The following ANKS1B variants were observed in gnomAD, a reference collection of about 807,000 sequenced individuals.
ANKS1B encodes ankyrin repeat and sterile alpha motif domain containing 1B.
ANKS1B carries 36 observed loss-of-function variants against 148.3 expected under a neutral mutation model. That is an observed-to-expected ratio of 0.24 (90% CI 0.19 to 0.32). The LOEUF is 0.32. Ranked by LOEUF, ANKS1B falls within the 10% of genes least tolerant of loss-of-function variation. The pLI is 1.00. For synonymous variants in ANKS1B, 542 were observed against 560.8 expected, an observed-to-expected ratio of 0.97 and a Z score of 0.47; for missense variants, 1,157 against 1,542.6, an observed-to-expected ratio of 0.75 and a Z score of 4.19.
chr12:99,449,772 T>A (rs1286265672), intron 10 of ANKS1B, among the ~76,000 whole-genome samples: 2 of 152,130 alleles, frequency 1.3e-5, no homozygotes, highest in Admixed American at 1.3e-4. Flanking sequence ...GAGAGCAGTA[T>A]CTTTTAGCTA....
At chr12:99,107,782 A>G (rs2059534039) in intron 15 of ANKS1B, among the ~76,000 whole-genome samples, 1 of 152,226 alleles carries the variant, frequency 6.6e-6, no homozygotes, top group Non-Finnish European at 1.5e-5. Flanking sequence ...CAATAATGAG[A>G]TGAATTCCTG....
chr12:99,366,675 A>G (rs2092788169), intron 12 of ANKS1B, among the ~76,000 whole-genome samples: 1 of 152,206 alleles, frequency 6.6e-6, no homozygotes, highest in Non-Finnish European at 1.5e-5. Flanking sequence ...ATTGAATTCT[A>G]TCTTATACAT....
chr12:99,294,986 T>C lies in ANKS1B; in HGVS notation c.1757-48122A>G, dbSNP rs73381190. On this transcript the variant is annotated intron_variant, in intron 12 of 26. Transcript: ENST00000683438. Reference sequence around the variant, plus strand: ...GTTTGTAACACAAAGAAATAATAAATGCTTGAGGGGATAGATAGCCCATTT... The same window carrying C: ...GTTTGTAACACAAAGAAATAATAAACGCTTGAGGGGATAGATAGCCCATTT... 5.4e-3 allele frequency among the ~76,000 whole-genome samples: 817 copies of C among 152,298 alleles called. 7 individuals are homozygous for C. The highest frequency in any genetic ancestry group is 0.019 in the African/African-American group (786 of 41,552).
chr12:99,352,407 G>A (rs1034296572), intron 12 of ANKS1B, among the ~76,000 whole-genome samples: 16 of 151,926 alleles, frequency 1.1e-4, no homozygotes, highest in African/African-American at 3.9e-4. Context: ...GAGGATCTGG[G>A]AGGGGGGAGT....
chr12:99,051,539 G>A (rs1262122049), intron 17 of ANKS1B, among the ~76,000 whole-genome samples: 2 of 152,322 alleles, frequency 1.3e-5, no homozygotes, highest in East Asian at 3.9e-4. Flanking sequence ...GAGTAGCCAT[G>A]TGATGAGTGT....
At chr12:98,846,103 T>G (rs777740628) in intron 17 of ANKS1B, among the ~76,000 whole-genome samples, 3 of 152,140 alleles carry the variant, frequency 2.0e-5, no homozygotes, top group South Asian at 2.1e-4. Flanking sequence ...CCTAGATATC[T>G]GGAATACTGC....
intron 9 of ANKS1B, among the ~76,000 whole-genome samples, chr12:99,582,374 AT>A (rs1249224123): frequency 6.6e-6 from 1 of 152,114 alleles, no homozygotes; most frequent in African/African-American, 2.4e-5. Context: ...AGATGAAAAC[AT>A]TTGTCCACAC....
At chr12:99,658,040 T>C (rs879845546) in intron 8 of ANKS1B, among the ~76,000 whole-genome samples, 1 of 152,150 alleles carries the variant, frequency 6.6e-6, no homozygotes, top group Non-Finnish European at 1.5e-5. Flanking sequence ...TTAGCCCTTT[T>C]ACTTTTTCAC....
chr12:98,818,528 G>A (rs1435576538), intron 19 of ANKS1B, among the ~76,000 whole-genome samples: 2 of 152,068 alleles, frequency 1.3e-5, no homozygotes, highest in Non-Finnish European at 2.9e-5. Flanking sequence ...GAGTCAATTG[G>A]GATCATGCTG....
At chr12:99,276,976 C>A (rs528565893) in intron 12 of ANKS1B, among the ~76,000 whole-genome samples, 1 of 152,108 alleles carries the variant, frequency 6.6e-6, no homozygotes, top group Non-Finnish European at 1.5e-5. Context: ...TTTGAAGTCA[C>A]CTAACTTACG....
At chr12:99,442,903 G>A (rs1185452559) in intron 11 of ANKS1B, among the ~76,000 whole-genome samples, 2 of 151,912 alleles carry the variant, frequency 1.3e-5, no homozygotes, top group Non-Finnish European at 2.9e-5. Flanking sequence ...TGGATTTTAT[G>A]AGGCCCATTC....
chr12:99,213,587 A>T (rs1284406037), intron 14 of ANKS1B, among the ~76,000 whole-genome samples: 1 of 152,246 alleles, frequency 6.6e-6, no homozygotes, highest in Non-Finnish European at 1.5e-5. Context: ...GGGGATGTGT[A>T]TATGGAGAGC....
At chr12:99,614,340 C>T (rs938188082) in intron 9 of ANKS1B, among the ~76,000 whole-genome samples, 1 of 151,732 alleles carries the variant, frequency 6.6e-6, no homozygotes, top group African/African-American at 2.4e-5. Flanking sequence ...GAGACTGAGA[C>T]ATGAGAATCA....
At chr12:98,836,202 G>A (rs954641649) in intron 17 of ANKS1B, among the ~76,000 whole-genome samples, 7 of 152,136 alleles carry the variant, frequency 4.6e-5, no homozygotes, top group African/African-American at 1.7e-4. Flanking sequence ...TTCTTAAGAT[G>A]TTGCTTCTTA....
chr12:99,969,302 C>G (rs1171275273), intron 1 of ANKS1B, among the ~76,000 whole-genome samples: 1 of 152,136 alleles, frequency 6.6e-6, no homozygotes, highest in African/African-American at 2.4e-5. Flanking sequence ...CCTCATCCCC[C>G]TGAGTAGCTA....
intron 12 of ANKS1B, among the ~76,000 whole-genome samples, chr12:99,310,910 C>T (rs1399215424): frequency 6.6e-6 from 1 of 152,156 alleles, no homozygotes; most frequent in Non-Finnish European, 1.5e-5. Flanking sequence ...TGACTCTCAG[C>T]AAGTTATTTA....
chr12:99,031,141 C>A (rs532520821), intron 17 of ANKS1B, among the ~76,000 whole-genome samples: 1 of 152,126 alleles, frequency 6.6e-6, no homozygotes, highest in Non-Finnish European at 1.5e-5. Context: ...CATGGATACA[C>A]GATTTGAATA....
intron 17 of ANKS1B, chr12:98,894,949 G>T: frequency 1.2e-6 from 1 of 865,292 alleles, no homozygotes; most frequent in Non-Finnish European, 1.4e-6. Flanking sequence ...GCGCGCCCTC[G>T]CACCCGCCCG....
At chr12:99,623,446 G>C (rs2098078341) in intron 9 of ANKS1B, among the ~76,000 whole-genome samples, 1 of 151,786 alleles carries the variant, frequency 6.6e-6, no homozygotes. Flanking sequence ...CACCCAAATA[G>C]GAAAAGAAGT....
Sources: gnomAD v4.1 joint callset for allele counts (sites outside exome capture counted in the v4.1 genomes callset) on GRCh38, gnomAD v4.1.1 for gene constraint, MANE v1.5 for transcripts, NCBI Gene and HGNC (gene_info 2026-07-23, HGNC 2026-07-21) for gene names.